The following CNTLN variants were observed in gnomAD, a reference collection of about 807,000 sequenced individuals.
The protein encoded by CNTLN is centlein, centrosomal protein.
Under a neutral mutation model 180.0 loss-of-function variants are expected in CNTLN, and 212 were observed. The observed-to-expected ratio is 1.18, with a 90% CI of 1.05 to 1.32. The LOEUF is 1.32. Among genes scored for constraint, CNTLN ranks in the 40% most tolerant of loss-of-function variants. The pLI, the probability that CNTLN is intolerant of heterozygous loss-of-function variation, is 0.00. For synonymous variants in CNTLN, 722 were observed against 563.1 expected, an observed-to-expected ratio of 1.28 and a Z score of -3.99; for missense variants, 2,095 against 1,610.9, an observed-to-expected ratio of 1.30 and a Z score of -5.14.
chr9:17,255,326 T>A (rs1387289956), intron 5 of CNTLN, among the ~76,000 whole-genome samples: 1 of 151,780 alleles, frequency 6.6e-6, no homozygotes, highest in Non-Finnish European at 1.5e-5. Flanking sequence ...ATAGGCTTTT[T>A]GTATTTGGCC....
downstream of CNTLN, among the ~76,000 whole-genome samples, chr9:17,506,931 GGTA>G (rs1386190616): frequency 2.6e-5 from 4 of 151,858 alleles, no homozygotes; most frequent in East Asian, 7.7e-4. Context: ...ATTAAATCAG[GGTA>G]ATTATATCTG....
At chr9:17,187,353 G>A (rs16935399) in intron 2 of CNTLN, among the ~76,000 whole-genome samples, 2,878 of 152,006 alleles carry the variant, frequency 0.019, 58 homozygotes, top group African/African-American at 0.05. Flanking sequence ...TTCATTTGAT[G>A]GCAATCTTAG....
intron 13 of CNTLN, among the ~76,000 whole-genome samples, chr9:17,370,397 A>G (rs1484749405): frequency 3.3e-5 from 5 of 152,334 alleles, no homozygotes; most frequent in Admixed American, 2.0e-4. Flanking sequence ...AGATAGTGGC[A>G]TGACATACTT....
At chr9:17,212,781 C>T (rs7048983) in intron 2 of CNTLN, among the ~76,000 whole-genome samples, 5 of 151,760 alleles carry the variant, frequency 3.3e-5, no homozygotes, top group Admixed American at 6.6e-5. Context: ...GTTTAGTCTT[C>T]GGAGGGTGTA....
intron 2 of CNTLN, among the ~76,000 whole-genome samples, chr9:17,157,197 C>T (rs977343806): frequency 2.0e-5 from 3 of 152,126 alleles, no homozygotes; most frequent in Admixed American, 6.5e-5. Flanking sequence ...GGCCTGAATC[C>T]CCATTCTTCA....
chr9:17,362,222 A>G (rs1265867879), intron 12 of CNTLN, among the ~76,000 whole-genome samples: 1 of 152,172 alleles, frequency 6.6e-6, no homozygotes, highest in African/African-American at 2.4e-5. Flanking sequence ...GCCAAGGAAA[A>G]CTAAGTTGAG....
intron 2 of CNTLN, among the ~76,000 whole-genome samples, chr9:17,182,275 C>T (rs1264524045): frequency 2.0e-5 from 3 of 151,810 alleles, no homozygotes; most frequent in African/African-American, 4.8e-5. Context: ...AGCAGACTTT[C>T]GTTGAGGCTT....
At chr9:17,260,108 C>T (rs550815468) in intron 5 of CNTLN, among the ~76,000 whole-genome samples, 16 of 146,446 alleles carry the variant, frequency 1.1e-4, no homozygotes, top group Non-Finnish European at 8.9e-5. Flanking sequence ...CTCTTGTGGG[C>T]ATTTAGTGCT....
the CNTLN span, among the ~76,000 whole-genome samples, chr9:17,523,066 T>C: frequency 6.6e-6 from 1 of 152,194 alleles, no homozygotes; most frequent in South Asian, 2.1e-4. Context: ...AGAATGCAGA[T>C]GCCTAGAGTA....
intron 25 of CNTLN, among the ~76,000 whole-genome samples, chr9:17,488,862 A>C (rs1057014130): frequency 9.2e-5 from 14 of 152,142 alleles, no homozygotes; most frequent in Admixed American, 2.6e-4. Context: ...TTAATGGAGC[A>C]GCCTTTATGA....
At chr9:17,304,552 T>C (rs1469551420) in intron 7 of CNTLN, among the ~76,000 whole-genome samples, 1 of 152,124 alleles carries the variant, frequency 6.6e-6, no homozygotes, top group East Asian at 1.9e-4. Flanking sequence ...CATGTTAAAT[T>C]AGTGTTGTCA....
At chr9:17,369,649 A>C (rs886871493) in intron 13 of CNTLN, among the ~76,000 whole-genome samples, 2 of 151,590 alleles carry the variant, frequency 1.3e-5, no homozygotes, top group Admixed American at 6.6e-5. Flanking sequence ...AGAATTGATC[A>C]AGCAGAAGAA....
chr9:17,301,682 C>G (rs1818363212), intron 7 of CNTLN: 1 of 962,292 alleles, frequency 1.0e-6, no homozygotes, highest in Non-Finnish European at 1.2e-6. Flanking sequence ...CATTAGTATC[C>G]TCAACTAGAC....
chr9:17,447,362 G>A, intron 18 of CNTLN: 1 of 196,122 alleles, frequency 5.1e-6, no homozygotes, highest in Non-Finnish European at 1.1e-5. Context: ...TTCCTGTGTT[G>A]AGAAAAAAGT....
intron 19 of CNTLN, among the ~76,000 whole-genome samples, chr9:17,459,379 A>G (rs1831322892): frequency 6.6e-6 from 1 of 151,840 alleles, no homozygotes; most frequent in African/African-American, 2.4e-5. Flanking sequence ...GAACTAAAGC[A>G]ATTAGTGTGA....
intron 2 of CNTLN, among the ~76,000 whole-genome samples, chr9:17,164,287 G>A (rs1318199177): frequency 6.8e-6 from 1 of 147,812 alleles, no homozygotes; most frequent in Non-Finnish European, 1.5e-5. Context: ...ACTCCAGCCT[G>A]GGCAGCAGAG....
intron 18 of CNTLN, among the ~76,000 whole-genome samples, chr9:17,456,373 GT>G (rs890223898): frequency 3.9e-5 from 6 of 151,954 alleles, no homozygotes; most frequent in Non-Finnish European, 1.5e-5. Context: ...TAGCCAAATA[GT>G]TTTTTTCACC....
chr9:17,446,248 CTG>C (rs1830412793), intron 18 of CNTLN, among the ~76,000 whole-genome samples: 1 of 152,184 alleles, frequency 6.6e-6, no homozygotes, highest in Non-Finnish European at 1.5e-5. Context: ...TACTTTGTCT[CTG>C]TGTCTTTTTC....
intron 8 of CNTLN, among the ~76,000 whole-genome samples, chr9:17,322,815 ATAGTT>A (rs1820010522): frequency 6.6e-6 from 1 of 152,194 alleles, no homozygotes; most frequent in Non-Finnish European, 1.5e-5. Context: ...AAAAAAACAA[ATAGTT>A]TATGCTTTCA....
Sources: gnomAD v4.1 joint callset for allele counts (sites outside exome capture counted in the v4.1 genomes callset) on GRCh38, gnomAD v4.1.1 for gene constraint, MANE v1.5 for transcripts, NCBI Gene and HGNC (gene_info 2026-07-23, HGNC 2026-07-21) for gene names.